The following BFSP2 variants were observed in gnomAD, a reference collection of about 807,000 sequenced individuals.
BFSP2 encodes phakinin.
In BFSP2, 38 loss-of-function variants were observed where a neutral mutation model predicts 44.9. The observed-to-expected ratio is 0.85, with a 90% CI of 0.65 to 1.11. BFSP2 has a LOEUF of 1.11. BFSP2 is among the 50% of genes least tolerant of loss of function. BFSP2 has a pLI of 0.00. For missense variants in BFSP2, 525 were observed against 533.0 expected (o/e 0.99, Z 0.15); for synonymous variants, 197 against 209.9 (o/e 0.94, Z 0.53).
rs59331608 is a variant in BFSP2, at chr3:133,466,677, CAA to C, written c.892-132_892-131del. ...GCTACAGAGCGAGACTTCATCTCAA[CAA>C]AAAAAAAAAAAAAAAAAAGATGTTT... On this transcript the variant is annotated intron_variant, in intron 4 of 6. Transcript: ENST00000302334. 1,201 of 257,954 alleles carry C rather than the reference CAA, an allele frequency of 4.7e-3. 1 individual carries two copies. Among genetic ancestry groups the C allele is most frequent in the Admixed American group, 9.6e-3 (144 of 14,978 alleles). 16.0% of individuals were successfully genotyped at this position (257,954 alleles called of 1,614,324 possible).
chr3:133,464,238 T>G (rs1238028510), intron 4 of BFSP2, among the ~76,000 whole-genome samples: 1 of 152,146 alleles, frequency 6.6e-6, no homozygotes, highest in African/African-American at 2.4e-5. Flanking sequence ...ACCTCCAATT[T>G]TAGGGATCTT....
chr3:133,464,772 T>A (rs1164073396), intron 4 of BFSP2, among the ~76,000 whole-genome samples: 3 of 152,202 alleles, frequency 2.0e-5, no homozygotes, highest in Non-Finnish European at 2.9e-5. Context: ...AGTATTATTC[T>A]CCATTCATTG....
In BFSP2 at chr3:133,447,405, G is replaced by A; in HGVS notation, c.572+6G>A. ...GCAGATGACTTTAAAGAGAGGTAATGTCTTACAGCAGAGGCGACAGTCCCT... is the reference window on the plus strand; with the variant it reads ...GCAGATGACTTTAAAGAGAGGTAATATCTTACAGCAGAGGCGACAGTCCCT... On this transcript the variant is annotated splice_donor_region_variant and intron_variant, in intron 2 of 6. Transcript: ENST00000302334. 1.2e-6 allele frequency: 2 copies of A among 1,613,610 alleles called. No individual in the cohort carries two copies. The highest frequency in any genetic ancestry group is 1.7e-6 in the Non-Finnish European group (2 of 1,179,702).
Position 133,472,564 on chromosome 3 carries a change from G to C in BFSP2, c.1243G>C (p.Gly415Arg). The C allele has an allele frequency of 6.2e-7, 1 of 1,611,522 alleles. No individual in the cohort carries two copies. The highest frequency in any genetic ancestry group is 8.5e-7 in the Non-Finnish European group (1 of 1,179,702). ...CGCCCTGCTGGACAGGGAGGAGAGC[G>C]GGTAAGCCTCGCTTCCGCGTCAATT... Reference protein sequence around the residue: ...YHALLDREESG With the variant: ...YHALLDREESR Residue 415 changes from glycine to arginine, a missense_variant and splice_region_variant, in exon 6 of 7, where the codon GGC becomes CGC. Coordinates refer to ENST00000302334, the MANE Select transcript of BFSP2 (RefSeq NM_003571.4).
chr3:133,466,722 T>C, intron 4 of BFSP2, 106 bp from the exon 5 acceptor site: 1 of 829,644 alleles, frequency 1.2e-6, no homozygotes, highest in East Asian at 3.7e-5. Flanking sequence ...ACAGCTGTAT[T>C]TCCTCTGGTT....
At chr3:133,407,644 C>G (rs2073415439) in intron 1 of BFSP2, among the ~76,000 whole-genome samples, 1 of 152,040 alleles carries the variant, frequency 6.6e-6, no homozygotes, top group Non-Finnish European at 1.5e-5. Context: ...ATTATAAAGT[C>G]TCTGTAATTA....
At chr3:133,416,081 C>T (rs1364596063) in intron 1 of BFSP2, among the ~76,000 whole-genome samples, 1 of 146,716 alleles carries the variant, frequency 6.8e-6, no homozygotes, top group East Asian at 2.0e-4. Flanking sequence ...GCCATCTTCC[C>T]TCTACTCACC....
chr3:133,448,386 C>G, intron 2 of BFSP2, 103 bp from the exon 3 acceptor site: 1 of 1,369,280 alleles, frequency 7.3e-7, no homozygotes, highest in Non-Finnish European at 1.0e-6. Context: ...TTTTACCATT[C>G]ATTGTCTAAC....
intron 5 of BFSP2, among the ~76,000 whole-genome samples, chr3:133,469,824 G>GTTCCAA (rs1674242397): frequency 6.6e-6 from 1 of 152,234 alleles, no homozygotes; most frequent in Non-Finnish European, 1.5e-5. Context: ...ACCTTTGGCT[G>GTTCCAA]GGGTTCCAAT....
chr3:133,429,907 A>T lies in BFSP2; in HGVS notation c.490-17410A>T, dbSNP rs1459345700. Among the ~76,000 whole-genome samples, 636 of 146,592 alleles carry T rather than the reference A, an allele frequency of 4.3e-3. 10 individuals are homozygous for T. The highest frequency in any genetic ancestry group is 0.015 in the African/African-American group (580 of 37,434). On this transcript the variant is annotated intron_variant, in intron 1 of 6. Transcript: ENST00000302334. ...TCTCCTAATGCTATCCCTCCCCACTACCCCCACCCCACAACAGTCCCCGGT... is the reference window on the plus strand; with the variant it reads ...TCTCCTAATGCTATCCCTCCCCACTTCCCCCACCCCACAACAGTCCCCGGT...
chr3:133,406,556 G>A (rs564341601), intron 1 of BFSP2, among the ~76,000 whole-genome samples: 1 of 151,932 alleles, frequency 6.6e-6, no homozygotes, highest in Non-Finnish European at 1.5e-5. Flanking sequence ...TAGCCTTGCC[G>A]CTTGCCATCT....
chr3:133,403,018 GA>G (rs1179690363), intron 1 of BFSP2, among the ~76,000 whole-genome samples: 1 of 152,106 alleles, frequency 6.6e-6, no homozygotes, highest in African/African-American at 2.4e-5. Context: ...AAGAACAAAA[GA>G]AAACTCCATA....
At chr3:133,469,333 C>G (rs549004770) in intron 5 of BFSP2, among the ~76,000 whole-genome samples, 2 of 152,202 alleles carry the variant, frequency 1.3e-5, no homozygotes, top group Non-Finnish European at 2.9e-5. Flanking sequence ...TCTGTCAGAG[C>G]GATCTGTGCA....
chr3:133,423,321 GA>G (rs2073611119), intron 1 of BFSP2, among the ~76,000 whole-genome samples: 1 of 152,136 alleles, frequency 6.6e-6, no homozygotes, highest in Non-Finnish European at 1.5e-5. Flanking sequence ...TAACCTCTCT[GA>G]ATTCCAACGT....
intron 4 of BFSP2, among the ~76,000 whole-genome samples, chr3:133,450,708 C>T (rs2073955510): frequency 6.6e-6 from 1 of 152,180 alleles, no homozygotes; most frequent in Non-Finnish European, 1.5e-5. Context: ...TACTGTATTA[C>T]TGAAGAGCAT....
At chr3:133,436,273 C>A (rs1002960167) in intron 1 of BFSP2, among the ~76,000 whole-genome samples, 1 of 142,740 alleles carries the variant, frequency 7.0e-6, no homozygotes, top group African/African-American at 2.7e-5. Flanking sequence ...TTGCAGTGAG[C>A]CAAGTTCTCT....
intron 1 of BFSP2, among the ~76,000 whole-genome samples, chr3:133,433,134 A>T (rs980802762): frequency 6.6e-6 from 1 of 152,162 alleles, no homozygotes; most frequent in Non-Finnish European, 1.5e-5. Context: ...CAGGACTTCA[A>T]TCTGGCCTCC....
At chr3:133,444,142 G>A (rs559239596) in intron 1 of BFSP2, among the ~76,000 whole-genome samples, 9 of 151,746 alleles carry the variant, frequency 5.9e-5, no homozygotes, top group South Asian at 4.2e-4. Flanking sequence ...CCACTAGATG[G>A]AAGTCTTCAT....
chr3:133,457,911 TG>T (rs2074026848), intron 4 of BFSP2, among the ~76,000 whole-genome samples: 1 of 152,192 alleles, frequency 6.6e-6, no homozygotes. Context: ...GCACTGAGGG[TG>T]GTTTCCAATC....
Sources: allele counts gnomAD v4.1 joint callset (sites outside exome capture counted in the v4.1 genomes callset), GRCh38; gene constraint gnomAD v4.1.1; transcripts MANE v1.5; gene names NCBI Gene and HGNC (gene_info 2026-07-23, HGNC 2026-07-21).